TAF2: variants seen among roughly 807,000 people sequenced by gnomAD.
TAF2 encodes the protein transcription initiation factor TFIID subunit 2.
In TAF2, 61 loss-of-function variants were observed where a neutral mutation model predicts 138.5. The observed-to-expected ratio is 0.44, with a 90% CI of 0.36 to 0.54. The LOEUF (loss-of-function observed/expected upper bound fraction) is 0.54, where lower values mean the gene tolerates loss of function less well. Ranked by LOEUF, TAF2 falls within the 20% of genes least tolerant of loss-of-function variation. The pLI is 0.00. For missense variants in TAF2, 1,090 were observed against 1,427.9 expected, an observed-to-expected ratio of 0.76 and a Z score of 3.81; for synonymous variants, 475 against 469.9, an observed-to-expected ratio of 1.01 and a Z score of -0.14.
chr8:119,789,817 C>T (rs1823291738), intron 11 of TAF2, 71 bp from the exon 12 acceptor site: 1 of 1,432,624 alleles, frequency 7.0e-7, no homozygotes, highest in African/African-American at 1.4e-5. Flanking sequence ...ACTCACTTTG[C>T]ATTATAACTT....
intron 15 of TAF2, 93 bp downstream of exon 15, chr8:119,785,108 A>T: frequency 1.1e-6 from 1 of 948,148 alleles, no homozygotes; most frequent in South Asian, 1.5e-5. Flanking sequence ...ACTCATTTGG[A>T]GGACAGTTAT....
intron 3 of TAF2, among the ~76,000 whole-genome samples, chr8:119,817,377 T>A (rs748595111): frequency 6.6e-5 from 10 of 152,160 alleles, no homozygotes; most frequent in African/African-American, 9.7e-5. Flanking sequence ...TATTGTGAAC[T>A]GCGCATGCAA....
rs1372527391 is a variant in TAF2, at chr8:119,762,590, G to A, written c.2383C>T (p.Arg795Cys). 18 of 1,612,254 alleles carry A rather than the reference G, an allele frequency of 1.1e-5. No homozygotes were observed. The highest frequency in any genetic ancestry group is 1.7e-4 in the Middle Eastern group (1 of 6,050). The part of the protein sequence containing the change: ...RKNKFSDNYY[R>C]AEMIDALANS... ...GCCAGGGCATCAATCATTTCTGCACGATAATAGTTATCTGAAAACTAGGCC... is the reference window on the plus strand; with the variant it reads ...GCCAGGGCATCAATCATTTCTGCACAATAATAGTTATCTGAAAACTAGGCC... The change falls in exon 19 of 26, where the codon CGT (arginine) becomes TGT (cysteine). Residue 795 changes from arginine to cysteine, a missense_variant. Arg to Cys is a radical substitution (Grantham distance 180, BLOSUM62 -3). This residue lies in a region of TAF2 where 580 missense variants were observed against 719.6 expected (regional missense o/e 0.81). Coordinates refer to ENST00000378164, the MANE Select transcript of TAF2 (RefSeq NM_003184.4).
intron 3 of TAF2, among the ~76,000 whole-genome samples, chr8:119,814,296 C>T (rs762250732): frequency 3.6e-4 from 55 of 152,026 alleles, no homozygotes; most frequent in Non-Finnish European, 7.4e-4. Flanking sequence ...AACCAACTGG[C>T]AGTGCAGCAT....
At chr8:119,771,922 C>T (rs4871587) in intron 18 of TAF2, among the ~76,000 whole-genome samples, 108,032 of 152,034 alleles carry the variant, frequency 0.71, 38,548 homozygotes, top group Middle Eastern at 0.85. Flanking sequence ...TTCCCCCAAA[C>T]TGACCACATG....
chr8:119,745,986 T>G (rs980656338), intron 23 of TAF2, among the ~76,000 whole-genome samples: 2 of 152,178 alleles, frequency 1.3e-5, no homozygotes, highest in Admixed American at 6.6e-5. Flanking sequence ...TGCTAGGTAT[T>G]ACACAGAGCA....
At chr8:119,798,050 C>A (rs1340826100) in intron 6 of TAF2, among the ~76,000 whole-genome samples, 2 of 152,032 alleles carry the variant, frequency 1.3e-5, no homozygotes, top group South Asian at 2.1e-4. Flanking sequence ...AAATTAAATT[C>A]ACGGTGGATT....
At chr8:119,760,403 A>C in intron 20 of TAF2, 196 bp downstream of exon 20, 1 of 613,846 alleles carries the variant, frequency 1.6e-6, no homozygotes, top group Non-Finnish European at 2.7e-6. Flanking sequence ...GATACCTATA[A>C]TTTTATTCCT....
chr8:119,819,928 TA>T (rs1825714150), intron 2 of TAF2, among the ~76,000 whole-genome samples: 1 of 152,098 alleles, frequency 6.6e-6, no homozygotes, highest in African/African-American at 2.4e-5. Flanking sequence ...CCACTGAAGC[TA>T]ACAAGTATGA....
chr8:119,777,176 T>C (rs931450359), intron 18 of TAF2, among the ~76,000 whole-genome samples: 28 of 152,182 alleles, frequency 1.8e-4, no homozygotes, highest in African/African-American at 6.5e-4. Flanking sequence ...TATATAACAT[T>C]TATATAAAGA....
intron 10 of TAF2, among the ~76,000 whole-genome samples, chr8:119,792,470 C>T (rs570766743): frequency 4.6e-5 from 7 of 152,150 alleles, no homozygotes; most frequent in Admixed American, 4.6e-4. Context: ...TCTACATGAT[C>T]ACATACCTAG....
At chr8:119,782,455 A>G (rs1457772385) in intron 16 of TAF2, among the ~76,000 whole-genome samples, 4 of 152,212 alleles carry the variant, frequency 2.6e-5, no homozygotes, top group Non-Finnish European at 5.9e-5. Flanking sequence ...AAGGAAAATC[A>G]CTGCTTTCTC....
chr8:119,811,384 T>C (rs1825042467), intron 3 of TAF2, among the ~76,000 whole-genome samples: 4 of 152,040 alleles, frequency 2.6e-5, no homozygotes, highest in Admixed American at 2.0e-4. Flanking sequence ...TAAACTTTTA[T>C]GGAAGTAAAC....
At position 119,814,293 on chromosome 8, in the gene TAF2, T is replaced by G. The variant is rs200067802; in HGVS notation, c.299+5053A>C. Among the ~76,000 whole-genome samples, 3 of 152,122 alleles carry G rather than the reference T, an allele frequency of 2.0e-5. No individual in the cohort carries two copies. The East Asian group carries it at 5.8e-4, about 29-fold the overall frequency. On this transcript the variant is annotated intron_variant, in intron 3 of 25. Transcript: ENST00000378164. ...TTAATTCTAATACTAATAAACCAACTGGCAGTGCAGCATTGTAGCTCAGTT... is the reference window on the plus strand; with the variant it reads ...TTAATTCTAATACTAATAAACCAACGGGCAGTGCAGCATTGTAGCTCAGTT...
intron 25 of TAF2, among the ~76,000 whole-genome samples, chr8:119,739,104 T>C (rs1250716872): frequency 2.6e-5 from 4 of 151,632 alleles, no homozygotes; most frequent in Non-Finnish European, 5.9e-5. Context: ...CAGCCCTAGC[T>C]AGGCAGCTGC....
chr8:119,732,241 C>G, intron 25 of TAF2, 55 bp from the exon 26 acceptor site: 2 of 1,554,598 alleles, frequency 1.3e-6, no homozygotes, highest in Admixed American at 3.3e-5. Context: ...GAAAGCCAGA[C>G]TAAAGAAAGA....
intron 18 of TAF2, among the ~76,000 whole-genome samples, chr8:119,764,455 T>C (rs1236863102): frequency 1.3e-5 from 2 of 152,196 alleles, no homozygotes; most frequent in Admixed American, 6.5e-5. Context: ...TTTAATAATA[T>C]ACCAGTGTGT....
rs751221182 is a variant in TAF2 at position 119,832,603 on chromosome 8, G to A, written c.-39C>T. 3.0e-5 allele frequency: 47 copies of A among 1,585,844 alleles called. No individual in the cohort carries two copies. The East Asian group carries it at 3.1e-4, about 11-fold the overall frequency. On this transcript the variant is annotated 5_prime_UTR_variant, in exon 1 of 26. Coordinates refer to ENST00000378164, the MANE Select transcript of TAF2 (RefSeq NM_003184.4). ...GGAGCTTGGCTTCCCGGCTTCCTAGGGGGATACGGGGCATTACTAGTCTTT... is the reference window on the plus strand; with the variant it reads ...GGAGCTTGGCTTCCCGGCTTCCTAGAGGGATACGGGGCATTACTAGTCTTT...
At chr8:119,828,948 T>C (rs1480369586) in intron 2 of TAF2, among the ~76,000 whole-genome samples, 18 of 152,164 alleles carry the variant, frequency 1.2e-4, no homozygotes. Flanking sequence ...TGTAAATAAA[T>C]GGGGATGGCT....
Sources: gnomAD v4.1 joint callset for allele counts (sites outside exome capture counted in the v4.1 genomes callset) on GRCh38, gnomAD v4.1.1 for gene constraint, gnomAD v4.1.1 regional missense constraint, MANE v1.5 for transcripts, NCBI Gene and HGNC (gene_info 2026-07-23, HGNC 2026-07-21) for gene names.